Variants in CNPY1 observed in about 807,000 individuals in gnomAD.
The protein encoded by CNPY1 is canopy FGF signaling regulator 1.
A neutral mutation model predicts 14.4 loss-of-function variants in CNPY1; 14 were observed. The observed-to-expected ratio is 0.97, with a 90% CI of 0.64 to 1.52. The LOEUF (loss-of-function observed/expected upper bound fraction) is 1.52, where lower values mean the gene tolerates loss of function less well. CNPY1 is among the 40% of genes most tolerant of loss of function. The pLI is 0.00. For synonymous variants in CNPY1, 43 were observed against 46.5 expected (o/e 0.92, Z 0.31); for missense variants, 129 against 131.5 (o/e 0.98, Z 0.09).
intron 2 of CNPY1, among the ~76,000 whole-genome samples, chr7:155,538,524 C>A (rs1386390599): frequency 1.3e-5 from 2 of 152,098 alleles, no homozygotes; most frequent in Non-Finnish European, 2.9e-5. Context: ...CCCCTCCTCA[C>A]GTGCCCAGGA....
intron 2 of CNPY1, among the ~76,000 whole-genome samples, chr7:155,514,997 T>A (rs1299446096): frequency 6.6e-6 from 1 of 152,202 alleles, no homozygotes; most frequent in Non-Finnish European, 1.5e-5. Flanking sequence ...TTCTGCGTGC[T>A]TCATCTCACA....
intron 2 of CNPY1, among the ~76,000 whole-genome samples, chr7:155,515,353 T>G (rs1796601727): frequency 1.5e-5 from 2 of 130,890 alleles, no homozygotes; most frequent in African/African-American, 5.5e-5. Context: ...CAGGCCTCGG[T>G]GATTAGAACA....
chr7:155,532,529 G>A (rs975275053), intron 2 of CNPY1, among the ~76,000 whole-genome samples: 2 of 152,148 alleles, frequency 1.3e-5, no homozygotes, highest in South Asian at 4.1e-4. Context: ...GCTGAGGCAG[G>A]AGAATGGCGT....
At chr7:155,546,234 T>C (rs1395165746) in intron 1 of CNPY1, among the ~76,000 whole-genome samples, 195 bp downstream of exon 1, 3 of 151,914 alleles carry the variant, frequency 2.0e-5, no homozygotes, top group Admixed American at 6.6e-5. Flanking sequence ...TTGCCCAGGC[T>C]GGAGTGCAGT....
In CNPY1 at chr7:155,502,343, G is replaced by A. The variant is rs148235739; in HGVS notation, c.*725C>T. ...CAAACAAGCCAGAAGAGTTTGGAGC[G>A]AAACAAAACGCAATCACTAGTGTCA... On this transcript the variant is annotated 3_prime_UTR_variant, in exon 5 of 5. Coordinates refer to ENST00000636446, the MANE Select transcript of CNPY1 (RefSeq NM_001393663.1). The A allele has an allele frequency of 1.1e-3, 169 of 152,156 alleles. No individual in the cohort carries two copies. Among genetic ancestry groups the A allele is most frequent in the African/African-American group, 3.9e-3 (161 of 41,510 alleles). 9.4% of individuals were successfully genotyped at this position (152,156 alleles called of 1,614,324 possible). A position where few individuals can be genotyped will look rare whatever the true frequency, so the allele number is the denominator to read the frequency against.
Position 155,507,074 on chromosome 7 carries a change from G to A in CNPY1, c.346C>T (p.Leu116Phe). ...IEEYEDEISSLIAQETHYLAD... is the reference protein window; with the variant it reads ...IEEYEDEISSFIAQETHYLAD... Reference sequence around the variant, plus strand: ...AGATAGTGTGTCTCCTGGGCGATAAGTGAGGATATTTCATCTTCATACTCT... The same window carrying A: ...AGATAGTGTGTCTCCTGGGCGATAAATGAGGATATTTCATCTTCATACTCT... The change falls in exon 4 of 5, where the codon CTT (leucine) becomes TTT (phenylalanine). Residue 116 changes from leucine to phenylalanine, a missense_variant. Coordinates refer to ENST00000636446, the MANE Select transcript of CNPY1 (RefSeq NM_001393663.1). The A allele has an allele frequency of 6.2e-7, 1 of 1,612,338 alleles. No homozygotes were observed. The highest frequency in any genetic ancestry group is 1.1e-5 in the South Asian group (1 of 91,032).
intron 2 of CNPY1, among the ~76,000 whole-genome samples, chr7:155,521,922 A>G (rs1563091566): frequency 6.6e-6 from 1 of 152,184 alleles, no homozygotes; most frequent in African/African-American, 2.4e-5. Context: ...CCTGCGGCTG[A>G]CATCATCCTA....
chr7:155,509,223 G>A (rs1796439587), intron 2 of CNPY1, 126 bp from the exon 3 acceptor site: 4 of 560,882 alleles, frequency 7.1e-6, no homozygotes, highest in African/African-American at 1.9e-5. Flanking sequence ...TCCCTAGCAC[G>A]GGCCCAGAAG....
At position 155,540,792 on chromosome 7, in the gene CNPY1, C is replaced by T. The variant is rs574570229; in HGVS notation, c.99+5039G>A. ...AATCTAAAAGCAAATGTGAGCCCCT[C>T]GACTCCAGCTCCCTGACCCTGGGTG... On this transcript the variant is annotated intron_variant, in intron 2 of 4. Transcript: ENST00000636446. Among the ~76,000 whole-genome samples the T allele has an allele frequency of 4.6e-5, 7 of 152,276 alleles. No individual in the cohort carries two copies. In the East Asian group the frequency reaches 1.4e-3, roughly 29 times the overall value.
intron 2 of CNPY1, among the ~76,000 whole-genome samples, chr7:155,540,836 T>A (rs1344502664): frequency 6.6e-6 from 1 of 152,184 alleles, no homozygotes; most frequent in Non-Finnish European, 1.5e-5. Context: ...AGAGCAGCAG[T>A]GCATGCGTAC....
intron 2 of CNPY1, among the ~76,000 whole-genome samples, chr7:155,528,516 A>C (rs1160931065): frequency 6.6e-6 from 1 of 152,200 alleles, no homozygotes; most frequent in Admixed American, 6.5e-5. Context: ...ACTGGAGAGA[A>C]GGGAAGTTCA....
intron 2 of CNPY1, among the ~76,000 whole-genome samples, chr7:155,519,564 AG>A (rs772220203): frequency 0.039 from 5,461 of 139,058 alleles, 127 homozygotes; most frequent in African/African-American, 0.09. Flanking sequence ...TAAATAAATA[AG>A]AAAGAAAGAA....
At position 155,501,190 on chromosome 7, in the gene CNPY1, T is replaced by C. The variant is rs1009892892; in HGVS notation, c.*1878A>G. ...AAGAAAAAAACCTGAAATGCCATAT[T>C]TATCACAACCTTAGATAGTCACTGT... On this transcript the variant is annotated 3_prime_UTR_variant, in exon 5 of 5. Coordinates refer to ENST00000636446, the MANE Select transcript of CNPY1 (RefSeq NM_001393663.1). The C allele has an allele frequency of 3.9e-5, 6 of 152,160 alleles. No individual in the cohort carries two copies. The highest frequency in any genetic ancestry group is 7.3e-5 in the Non-Finnish European group (5 of 68,032). The allele number at this position is 152,160 out of a possible 1,614,324, so 9.4% of individuals were successfully genotyped here. A position where few individuals can be genotyped will look rare whatever the true frequency, so the allele number is the denominator to read the frequency against.
At chr7:155,518,369 A>C (rs1486583237) in intron 2 of CNPY1, 2 of 152,478 alleles carry the variant, frequency 1.3e-5, no homozygotes, top group East Asian at 3.8e-4. Context: ...TGCAGCAGAG[A>C]TCAGAGGAAG....
intron 2 of CNPY1, among the ~76,000 whole-genome samples, chr7:155,526,689 G>C (rs1214405390): frequency 1.3e-5 from 2 of 152,204 alleles, no homozygotes; most frequent in African/African-American, 4.8e-5. Flanking sequence ...TCTTTCACTG[G>C]TTAGATTACC....
intron 2 of CNPY1, among the ~76,000 whole-genome samples, chr7:155,523,644 G>C (rs1465881918): frequency 6.6e-6 from 1 of 152,196 alleles, no homozygotes; most frequent in African/African-American, 2.4e-5. Context: ...CGGGGACAAA[G>C]CCCATCAGCC....
rs1432335113 is a variant in CNPY1, at chr7:155,502,858, T to G, written c.*210A>C. On this transcript the variant is annotated 3_prime_UTR_variant, in exon 5 of 5. Coordinates refer to ENST00000636446, the MANE Select transcript of CNPY1 (RefSeq NM_001393663.1). ...TCTGCAAAGGTTAATTTAAGTTTCATGTACTCCTCAGCTTCACCTATAAAA... is the reference window on the plus strand; with the variant it reads ...TCTGCAAAGGTTAATTTAAGTTTCAGGTACTCCTCAGCTTCACCTATAAAA... 2 of 518,874 alleles carry G rather than the reference T, an allele frequency of 3.9e-6. No homozygotes were observed. Among genetic ancestry groups the G allele is most frequent in the African/African-American group, 3.8e-5 (2 of 52,668 alleles). 32.1% of individuals were successfully genotyped at this position (518,874 alleles called of 1,614,324 possible).
chr7:155,525,305 C>A (rs112372777), intron 2 of CNPY1, among the ~76,000 whole-genome samples: 1 of 152,232 alleles, frequency 6.6e-6, no homozygotes, highest in South Asian at 2.1e-4. Flanking sequence ...CTCAGCCTCC[C>A]GAGTAGCTGG....
intron 3 of CNPY1, among the ~76,000 whole-genome samples, chr7:155,508,542 A>T (rs1796407545): frequency 6.6e-6 from 1 of 152,214 alleles, no homozygotes; most frequent in South Asian, 2.1e-4. Flanking sequence ...AGCACTGACT[A>T]AGACCACTCT....
Sources: gnomAD v4.1 joint callset for allele counts (sites outside exome capture counted in the v4.1 genomes callset) on GRCh38, gnomAD v4.1.1 for gene constraint, MANE v1.5 for transcripts, NCBI Gene and HGNC (gene_info 2026-07-23, HGNC 2026-07-21) for gene names.